Variants in PDE10A observed in about 807,000 individuals in gnomAD.
The protein encoded by PDE10A is cAMP and cAMP-inhibited cGMP 3',5'-cyclic phosphodiesterase 10A.
In PDE10A, 39 loss-of-function variants were observed where a neutral mutation model predicts 97.7. That is an observed-to-expected ratio of 0.40 (90% CI 0.31 to 0.52). The LOEUF (loss-of-function observed/expected upper bound fraction) is 0.52, where lower values mean the gene tolerates loss of function less well. Ranked by LOEUF, PDE10A falls within the 20% of genes least tolerant of loss-of-function variation. The pLI is 0.56. For synonymous variants in PDE10A, 371 were observed against 376.8 expected (o/e 0.98, Z 0.18); for missense variants, 731 against 1,047.8 (o/e 0.70, Z 4.17).
chr6:165,693,482 GA>G (rs1480285186), intron 1 of PDE10A, among the ~76,000 whole-genome samples: 1 of 130,050 alleles, frequency 7.7e-6, no homozygotes, highest in African/African-American at 2.9e-5. Flanking sequence ...AGTGAGCTGA[GA>G]TGGCACCACT....
Position 165,360,292 on chromosome 6 carries a change from C to A in PDE10A, c.2784-16790G>T, listed in dbSNP as rs551606291. On this transcript the variant is annotated intron_variant, in intron 18 of 21. Coordinates refer to ENST00000539869, the MANE Select transcript of PDE10A (RefSeq NM_001385079.1). The stretch of plus-strand genomic sequence containing the variant: ...CCAGGTATGAGAAACTCAGGCCCAG[C>A]CACTGACCCGTGAGGAGCTTCTGCA... Among the ~76,000 whole-genome samples, 26 of 152,298 alleles carry A rather than the reference C, an allele frequency of 1.7e-4. No individual in the cohort carries two copies. In the East Asian group the frequency reaches 5.0e-3, roughly 29 times the overall value.
In PDE10A at chr6:165,702,114, C is replaced by A. The variant is rs149598080; in HGVS notation, c.-614-158546G>T. Among the ~76,000 whole-genome samples the A allele has an allele frequency of 3.8e-3, 586 of 152,294 alleles. 3 individuals are homozygous for A. The highest frequency in any genetic ancestry group is 0.013 in the African/African-American group (551 of 41,556). On this transcript the variant is annotated intron_variant, in intron 1 of 19. Coordinates refer to the PDE10A transcript ENST00000366882. ...CGTAAGTGGCAAAACCATGTTTGAA[C>A]CTCCGAAGGGTGGTGCCACCTCATC...
At chr6:165,606,376 G>C (rs12198402) in intron 1 of PDE10A, among the ~76,000 whole-genome samples, 18,525 of 151,998 alleles carry the variant, frequency 0.12, 1,164 homozygotes, top group Non-Finnish European at 0.14. Context: ...CTGTCCACAT[G>C]CATAAAGTTC....
At chr6:165,952,063 C>A (rs1411343405) in intron 1 of PDE10A, among the ~76,000 whole-genome samples, 1 of 152,262 alleles carries the variant, frequency 6.6e-6, no homozygotes, top group Non-Finnish European at 1.5e-5. Context: ...TTATTATCCT[C>A]AAGTCCTCAT....
intron 1 of PDE10A, among the ~76,000 whole-genome samples, chr6:165,644,205 G>A (rs1466393538): frequency 2.7e-5 from 4 of 149,344 alleles, no homozygotes; most frequent in Admixed American, 6.9e-5. Context: ...ACAGGCGCCC[G>A]CCACCACGCC....
intron 1 of PDE10A, among the ~76,000 whole-genome samples, chr6:165,862,031 A>C (rs1780919086): frequency 6.6e-6 from 1 of 152,164 alleles, no homozygotes; most frequent in African/African-American, 2.4e-5. Flanking sequence ...TGTGGCTCTG[A>C]GTCTCCTTCC....
rs554767478 is a variant in PDE10A, at chr6:165,420,022, C to T, written c.1654-1245G>A. ...AAACAAATACTGGCTGTGCCCACTA[C>T]GCAGGGACTGAGTATACTGCCTAGT... On this transcript the variant is annotated intron_variant, in intron 10 of 21. Transcript: ENST00000539869. Among the ~76,000 whole-genome samples, 11 of 152,302 alleles carry T rather than the reference C, an allele frequency of 7.2e-5. 1 individual carries two copies. Among genetic ancestry groups the T allele is most frequent in the South Asian group, 4.1e-4 (2 of 4,830 alleles).
At chr6:165,617,078 T>C (rs1787759132) in intron 1 of PDE10A, among the ~76,000 whole-genome samples, 2 of 152,218 alleles carry the variant, frequency 1.3e-5, no homozygotes, top group Non-Finnish European at 2.9e-5. Flanking sequence ...TATCCTCAAA[T>C]GCACAGTGCT....
intron 1 of PDE10A, among the ~76,000 whole-genome samples, chr6:165,801,258 G>A (rs1315330283): frequency 6.6e-6 from 1 of 152,188 alleles, no homozygotes; most frequent in African/African-American, 2.4e-5. Flanking sequence ...AGAATTCACA[G>A]ATCAGGCCAG....
intron 1 of PDE10A, among the ~76,000 whole-genome samples, chr6:165,845,834 G>A (rs747841459): frequency 3.9e-5 from 6 of 152,144 alleles, no homozygotes; most frequent in East Asian, 1.9e-4. Flanking sequence ...TCTTTGGTAC[G>A]TTTAATAAGA....
intron 18 of PDE10A, among the ~76,000 whole-genome samples, chr6:165,367,083 T>C (rs1583126794): frequency 6.6e-6 from 1 of 152,016 alleles, no homozygotes; most frequent in African/African-American, 2.4e-5. Context: ...CTCTAAATAA[T>C]GTACAGATAC....
chr6:165,351,437 A>T (rs1782688242), intron 18 of PDE10A, among the ~76,000 whole-genome samples: 1 of 152,236 alleles, frequency 6.6e-6, no homozygotes, highest in African/African-American at 2.4e-5. Context: ...TTTTTAAAAA[A>T]AATTACCAGG....
chr6:165,870,240 A>G (rs1781166778), intron 1 of PDE10A, among the ~76,000 whole-genome samples: 1 of 152,218 alleles, frequency 6.6e-6, no homozygotes, highest in Non-Finnish European at 1.5e-5. Flanking sequence ...AAGGAACTCA[A>G]ACAACTTAAC....
chr6:165,979,990 G>A (rs117060510), intron 1 of PDE10A, among the ~76,000 whole-genome samples: 33 of 152,184 alleles, frequency 2.2e-4, no homozygotes, highest in Non-Finnish European at 3.4e-4. Flanking sequence ...ACAAACCTGC[G>A]CCTATGTATT....
chr6:165,941,712 G>A (rs1445722547), intron 1 of PDE10A, among the ~76,000 whole-genome samples: 1 of 152,146 alleles, frequency 6.6e-6, no homozygotes, highest in Non-Finnish European at 1.5e-5. Context: ...TAAGCTTCCT[G>A]AGGCCTCCCT....
chr6:165,867,768 A>C (rs2128477885), intron 1 of PDE10A, among the ~76,000 whole-genome samples: 1 of 152,252 alleles, frequency 6.6e-6, no homozygotes, highest in Admixed American at 6.5e-5. Context: ...GACAGACCAT[A>C]TGTTAGGCTG....
At chr6:165,698,274 G>C (rs995892692) in intron 1 of PDE10A, among the ~76,000 whole-genome samples, 2 of 152,216 alleles carry the variant, frequency 1.3e-5, no homozygotes, top group African/African-American at 4.8e-5. Context: ...CAGGTTAGCA[G>C]TCTCCTCTGT....
intron 18 of PDE10A, among the ~76,000 whole-genome samples, chr6:165,347,254 T>C (rs1421124242): frequency 1.3e-5 from 2 of 152,100 alleles, no homozygotes; most frequent in Non-Finnish European, 2.9e-5. Context: ...AATAATACAG[T>C]TTTTCTGAAA....
chr6:165,917,419 G>A (rs543179045), intron 1 of PDE10A, among the ~76,000 whole-genome samples: 2 of 152,244 alleles, frequency 1.3e-5, no homozygotes, highest in African/African-American at 4.8e-5. Context: ...GACAAGGTTG[G>A]GATCCTGCAG....
Sources: gnomAD v4.1 joint callset for allele counts (sites outside exome capture counted in the v4.1 genomes callset) on GRCh38, gnomAD v4.1.1 for gene constraint, MANE v1.5 for transcripts, NCBI Gene and HGNC (gene_info 2026-07-23, HGNC 2026-07-21) for gene names.